The following CTH variants were observed in gnomAD, a reference collection of about 807,000 sequenced individuals.
CTH encodes the protein cystathionase (cystathionine gamma-lyase).
A neutral mutation model predicts 50.6 loss-of-function variants in CTH; 41 were observed. That is an observed-to-expected ratio of 0.81 (90% confidence interval 0.63 to 1.05). The LOEUF (loss-of-function observed/expected upper bound fraction) is 1.05, where lower values mean the gene tolerates loss of function less well. Ranked by LOEUF, CTH falls within the 50% of genes least tolerant of loss-of-function variation. CTH has a pLI of 0.00. For missense variants in CTH, 470 were observed against 492.6 expected, an observed-to-expected ratio of 0.95 and a Z score of 0.43; for synonymous variants, 156 against 168.9, an observed-to-expected ratio of 0.92 and a Z score of 0.59.
chr1:70,430,171 A>G, intron 6 of CTH, 146 bp from the exon 7 acceptor site: 1 of 650,348 alleles, frequency 1.5e-6, no homozygotes, highest in South Asian at 1.9e-5. Flanking sequence ...CCAGTTGAAT[A>G]AAGGTTACTT....
At position 70,432,456 on chromosome 1, in the gene CTH, G is replaced by T. The variant is rs139911858; in HGVS notation, c.877+221G>T. 1.2e-3 allele frequency among the ~76,000 whole-genome samples: 176 copies of T among 152,292 alleles called. 1 individual carries two copies. Among genetic ancestry groups the T allele is most frequent in the African/African-American group, 3.9e-3 (163 of 41,568 alleles). ...TTGCCTCTAGTTTAGTGGATGCTTGGATAGTAGAAAATCAGTTTTATGCAT... is the reference window on the plus strand; with the variant it reads ...TTGCCTCTAGTTTAGTGGATGCTTGTATAGTAGAAAATCAGTTTTATGCAT... On this transcript the variant is annotated intron_variant, in intron 8 of 11. Transcript: ENST00000370938.
chr1:70,433,157 G>A (rs574591314), intron 8 of CTH, among the ~76,000 whole-genome samples: 4 of 152,218 alleles, frequency 2.6e-5, no homozygotes, highest in Admixed American at 2.0e-4. Flanking sequence ...AGATCCTTTT[G>A]AGGGTTCTAG....
intron 4 of CTH, among the ~76,000 whole-genome samples, chr1:70,422,783 T>C (rs1049377470): frequency 6.6e-6 from 1 of 152,080 alleles, no homozygotes; most frequent in East Asian, 1.9e-4. Flanking sequence ...AGCTAATTTT[T>C]GTATTTTTAG....
At chr1:70,429,762 T>G (rs778096069) in intron 5 of CTH, 32 bp from the exon 6 acceptor site, 1 of 1,521,676 alleles carries the variant, frequency 6.6e-7, no homozygotes. Context: ...TCAAATTGTT[T>G]CTCATTTAAA....
At chr1:70,422,136 G>T (rs1239532151) in intron 4 of CTH, among the ~76,000 whole-genome samples, 4 of 152,156 alleles carry the variant, frequency 2.6e-5, no homozygotes, top group African/African-American at 9.7e-5. Context: ...TCATCACAGA[G>T]ATTGGACTAT....
intron 5 of CTH, among the ~76,000 whole-genome samples, chr1:70,428,008 C>T (rs746850267): frequency 9.2e-5 from 14 of 152,168 alleles, no homozygotes; most frequent in Non-Finnish European, 1.3e-4. Context: ...CCACCACTCC[C>T]GGCTTGACAG....
intron 5 of CTH, among the ~76,000 whole-genome samples, chr1:70,427,854 A>G (rs1684381289): frequency 6.6e-6 from 1 of 152,052 alleles, no homozygotes; most frequent in Non-Finnish European, 1.5e-5. Context: ...CTGGGATTAC[A>G]GGTTTCCACC....
At chr1:70,421,467 T>C (rs933013719) in intron 3 of CTH, 99 bp from the exon 4 acceptor site, 1 of 1,275,264 alleles carries the variant, frequency 7.8e-7, no homozygotes, top group Non-Finnish European at 1.1e-6. Flanking sequence ...CCTTGGTGAC[T>C]GAGAGTTCCA....
intron 1 of CTH, among the ~76,000 whole-genome samples, chr1:70,412,601 AAAC>A (rs1683992746): frequency 6.6e-6 from 1 of 152,202 alleles, no homozygotes; most frequent in South Asian, 2.1e-4. Context: ...ACTCCAACTC[AAAC>A]AACAACAGAA....
intron 1 of CTH, among the ~76,000 whole-genome samples, chr1:70,415,656 C>T (rs36032119): frequency 0.023 from 3,480 of 152,176 alleles, 135 homozygotes; most frequent in African/African-American, 0.079. Flanking sequence ...TTTTATGAAC[C>T]AGATATCTGT....
intron 1 of CTH, 148 bp from the exon 2 acceptor site, chr1:70,415,808 G>T (rs1684077838): frequency 1.5e-6 from 1 of 675,454 alleles, no homozygotes; most frequent in Middle Eastern, 2.6e-4. Flanking sequence ...TATAGCCACA[G>T]CACTGTTCTG....
chr1:70,433,655 G>A (rs1684529412), intron 8 of CTH, among the ~76,000 whole-genome samples, 173 bp from the exon 9 acceptor site: 1 of 152,078 alleles, frequency 6.6e-6, no homozygotes, highest in African/African-American at 2.4e-5. Flanking sequence ...AAAAGATGAG[G>A]CAACATGAAG....
intron 1 of CTH, among the ~76,000 whole-genome samples, chr1:70,414,962 G>C (rs191529195): frequency 3.9e-5 from 6 of 152,184 alleles, no homozygotes; most frequent in Admixed American, 3.9e-4. Context: ...TGGGATTATA[G>C]GAATGCAAAT....
intron 4 of CTH, among the ~76,000 whole-genome samples, chr1:70,422,584 T>C (rs1684248688): frequency 6.6e-6 from 1 of 151,664 alleles, no homozygotes. Context: ...GGGAGAAAAG[T>C]CACATTAAAA....
At chr1:70,422,950 T>C (rs1280416448) in intron 4 of CTH, among the ~76,000 whole-genome samples, 1 of 152,074 alleles carries the variant, frequency 6.6e-6, no homozygotes, top group Non-Finnish European at 1.5e-5. Context: ...AAATTATGAG[T>C]ACAGTAAGTC....
intron 6 of CTH, 55 bp downstream of exon 6, chr1:70,429,906 G>T: frequency 3.0e-6 from 4 of 1,323,276 alleles, no homozygotes; most frequent in Non-Finnish European, 4.4e-6. Flanking sequence ...ATTGCATAGG[G>T]CTTGGCTTTT....
At chr1:70,417,843 A>G in intron 2 of CTH, 94 bp from the exon 3 acceptor site, 1 of 1,369,582 alleles carries the variant, frequency 7.3e-7, no homozygotes, top group Non-Finnish European at 1.0e-6. Context: ...ATGGCTTCCT[A>G]TCTGCATTAA....
intron 2 of CTH, among the ~76,000 whole-genome samples, chr1:70,416,559 A>ATTT (rs34806645): frequency 8.6e-5 from 10 of 115,624 alleles, no homozygotes; most frequent in Non-Finnish European, 1.2e-4. Flanking sequence ...CACCCTGCTA[A>ATTT]TTTTTTTTTT....
intron 2 of CTH, 86 bp downstream of exon 2, chr1:70,416,123 A>G: frequency 3.5e-6 from 3 of 861,670 alleles, no homozygotes; most frequent in Non-Finnish European, 5.9e-6. Flanking sequence ...AACTGAAAAG[A>G]AACAGATTTG....
Sources: allele counts gnomAD v4.1 joint callset (sites outside exome capture counted in the v4.1 genomes callset), GRCh38; gene constraint gnomAD v4.1.1; transcripts MANE v1.5; gene names NCBI Gene and HGNC (gene_info 2026-07-23, HGNC 2026-07-21).